CLYBL: variants seen among roughly 807,000 people sequenced by gnomAD.
CLYBL encodes the protein citramalyl-CoA lyase, mitochondrial.
CLYBL carries 31 observed loss-of-function variants against 38.9 expected under a neutral mutation model. The observed-to-expected ratio is 0.80, with a 90% CI of 0.60 to 1.08. The LOEUF is 1.08. CLYBL is among the 50% of genes least tolerant of loss of function. The probability of loss-of-function intolerance (pLI) is 0.00; values close to 1 mark genes in which losing one functional copy is unlikely to be tolerated. For synonymous variants in CLYBL, 171 were observed against 158.6 expected (o/e 1.08, Z -0.59); for missense variants, 434 against 411.6 (o/e 1.05, Z -0.47).
At chr13:99,755,740 G>A (rs1217708242) in intron 1 of CLYBL, among the ~76,000 whole-genome samples, 1 of 152,156 alleles carries the variant, frequency 6.6e-6, no homozygotes, top group Non-Finnish European at 1.5e-5. Context: ...GGGTGAGTGG[G>A]AAGTTGGCAC....
Position 99,785,722 on chromosome 13 carries a change from G to A in CLYBL, c.249+12712G>A, listed in dbSNP as rs1014711647. Among the ~76,000 whole-genome samples the A allele has an allele frequency of 4.6e-5, 7 of 151,486 alleles. No homozygotes were observed. The South Asian group carries it at 1.0e-3, about 23-fold the overall frequency. On this transcript the variant is annotated intron_variant, in intron 2 of 8. Coordinates refer to ENST00000339105, the MANE Select transcript of CLYBL (RefSeq NM_206808.5). ...AGCAGTTCTTTGCCTCAGCCTCTCC[G>A]GTAGCTGGGATTATAGGCGCCCAGC...
rs532890613 is a variant in CLYBL at position 99,663,763 on chromosome 13, G to T, written c.62+57006G>T. Among the ~76,000 whole-genome samples the T allele has an allele frequency of 3.3e-3, 501 of 152,288 alleles. 4 individuals carry two copies. Among genetic ancestry groups the T allele is most frequent in the African/African-American group, 0.011 (471 of 41,564 alleles). ...ACAGGGACAACCTACAACCTGAGCT[G>T]CTGCGTCCTCACTAAATCTGGGCCC... On this transcript the variant is annotated intron_variant, in intron 1 of 8. Coordinates refer to ENST00000339105, the MANE Select transcript of CLYBL (RefSeq NM_206808.5).
At chr13:99,870,003 A>G (rs988452257) in intron 6 of CLYBL, among the ~76,000 whole-genome samples, 1 of 152,058 alleles carries the variant, frequency 6.6e-6, no homozygotes, top group East Asian at 1.9e-4. Flanking sequence ...TGTTTTTTTA[A>G]TGACTGCATT....
intron 1 of CLYBL, among the ~76,000 whole-genome samples, chr13:99,680,561 C>A (rs933943367): frequency 6.6e-6 from 1 of 152,182 alleles, no homozygotes; most frequent in African/African-American, 2.4e-5. Context: ...CATCCTCAAT[C>A]CAGAACCCAG....
At chr13:99,629,610 G>T (rs113347973) in intron 1 of CLYBL, among the ~76,000 whole-genome samples, 1 of 152,268 alleles carries the variant, frequency 6.6e-6, no homozygotes, top group African/African-American at 2.4e-5. Context: ...CATTTATTCT[G>T]ATTCTCATGG....
intron 1 of CLYBL, among the ~76,000 whole-genome samples, chr13:99,628,029 G>A (rs972243965): frequency 6.6e-6 from 1 of 152,146 alleles, no homozygotes; most frequent in Non-Finnish European, 1.5e-5. Context: ...TAAATGCAGA[G>A]GTACTAAAAC....
At position 99,863,009 on chromosome 13, in the gene CLYBL, T is replaced by C. The variant is rs763872344; in HGVS notation, c.457T>C (p.Phe153Leu). ...EIQWFADKFS[F>L]HLKGRKLEQP... ...ATTTTAGTTTGCAGACAAATTTTCA[T>C]TCCACTTAAAAGGCCGAAAACTTGA... The change falls in exon 4 of 9, where the codon TTC becomes CTC. Residue 153 changes from phenylalanine to leucine, a missense_variant. Coordinates refer to ENST00000339105, the MANE Select transcript of CLYBL (RefSeq NM_206808.5). The C allele has an allele frequency of 1.2e-6, 2 of 1,609,510 alleles. No homozygotes were observed. Among genetic ancestry groups the C allele is most frequent in the Admixed American group, 1.7e-5 (1 of 59,546 alleles).
intron 1 of CLYBL, chr13:99,643,089 G>A (rs2047120475): frequency 6.5e-6 from 1 of 153,266 alleles, no homozygotes; most frequent in Admixed American, 6.5e-5. Context: ...AGTCTCCAGA[G>A]GCATCCCTAA....
chr13:99,637,077 G>A (rs1403184385), intron 1 of CLYBL, among the ~76,000 whole-genome samples: 2 of 152,022 alleles, frequency 1.3e-5, no homozygotes, highest in Admixed American at 6.6e-5. Context: ...ACGGGATTTC[G>A]CCATGTTGGC....
chr13:99,847,102 A>C (rs1483460438), intron 2 of CLYBL, among the ~76,000 whole-genome samples: 1 of 152,184 alleles, frequency 6.6e-6, no homozygotes, highest in African/African-American at 2.4e-5. Flanking sequence ...TGTTGTGAAC[A>C]TCACTCTAAA....
At chr13:99,709,880 C>T (rs1232750346) in intron 1 of CLYBL, among the ~76,000 whole-genome samples, 1 of 148,444 alleles carries the variant, frequency 6.7e-6, no homozygotes, top group African/African-American at 2.5e-5. Context: ...CACTGCATTT[C>T]AGTAGCTGGT....
chr13:99,884,234 C>G (rs1033859235), intron 7 of CLYBL, among the ~76,000 whole-genome samples: 10 of 152,176 alleles, frequency 6.6e-5, no homozygotes, highest in Admixed American at 1.3e-4. Context: ...ATTACCAGAT[C>G]AGGGGCACAG....
chr13:99,628,375 C>T (rs201911961), intron 1 of CLYBL, among the ~76,000 whole-genome samples: 2 of 152,084 alleles, frequency 1.3e-5, no homozygotes, highest in East Asian at 3.8e-4. Context: ...TATAGTAGAC[C>T]TTGTTTGGAT....
chr13:99,815,841 C>A lies in CLYBL; in HGVS notation c.249+42831C>A, dbSNP rs148984218. On this transcript the variant is annotated intron_variant, in intron 2 of 8. Transcript: ENST00000339105. ...GCAGTGAGCCAAGATCGCGCCACTG[C>A]ACTCCAGCCTGGGTGACGGGGAGTG... is the stretch of plus-strand genomic sequence containing the variant. Among the ~76,000 whole-genome samples the A allele has an allele frequency of 9.6e-4, 146 of 152,264 alleles. 1 individual carries two copies. Among genetic ancestry groups the A allele is most frequent in the African/African-American group, 2.8e-3 (118 of 41,552 alleles).
chr13:99,683,414 C>G (rs1460250598), intron 1 of CLYBL, among the ~76,000 whole-genome samples: 1 of 152,116 alleles, frequency 6.6e-6, no homozygotes, highest in Non-Finnish European at 1.5e-5. Context: ...CTTTATGACT[C>G]TTTTATAGTA....
At chr13:99,867,728 C>A (rs1242175315) in intron 6 of CLYBL, among the ~76,000 whole-genome samples, 1 of 152,016 alleles carries the variant, frequency 6.6e-6, no homozygotes, top group African/African-American at 2.4e-5. Flanking sequence ...ATCTAATAGA[C>A]CCTGATGTTG....
At chr13:99,638,438 G>A (rs992568627) in intron 1 of CLYBL, among the ~76,000 whole-genome samples, 3 of 152,164 alleles carry the variant, frequency 2.0e-5, no homozygotes, top group African/African-American at 7.2e-5. Context: ...ATATATGTGT[G>A]CCTTATGCAT....
At chr13:99,817,984 C>A in intron 2 of CLYBL, among the ~76,000 whole-genome samples, 1 of 145,322 alleles carries the variant, frequency 6.9e-6, no homozygotes, top group African/African-American at 2.6e-5. Flanking sequence ...GCCTGGGTGA[C>A]AGAGTGAGAA....
chr13:99,660,249 A>C (rs968790422), intron 1 of CLYBL, among the ~76,000 whole-genome samples: 2 of 152,246 alleles, frequency 1.3e-5, no homozygotes, highest in African/African-American at 4.8e-5. Context: ...GAAAGATTGC[A>C]GGAAGCCGGA....
Sources: allele counts gnomAD v4.1 joint callset (sites outside exome capture counted in the v4.1 genomes callset), GRCh38; gene constraint gnomAD v4.1.1; transcripts MANE v1.5; gene names NCBI Gene and HGNC (gene_info 2026-07-23, HGNC 2026-07-21).